Variants in SEC16B observed in about 807,000 individuals in gnomAD.
SEC16B encodes SEC16 homolog B, endoplasmic reticulum export factor, also known as protein transport protein Sec16B.
A neutral mutation model predicts 141.8 loss-of-function variants in SEC16B; 115 were observed. The ratio of observed to expected loss-of-function variants is 0.81; its 90% CI spans 0.70 to 0.95. The LOEUF is 0.95. SEC16B is among the 40% of genes least tolerant of loss of function. SEC16B has a pLI of 0.00. For missense variants in SEC16B, 1,291 were observed against 1,312.3 expected, an observed-to-expected ratio of 0.98 and a Z score of 0.25; for synonymous variants, 493 against 492.5, an observed-to-expected ratio of 1.00 and a Z score of -0.01.
intron 1 of SEC16B, among the ~76,000 whole-genome samples, chr1:177,981,917 T>C (rs1337925729): frequency 6.6e-6 from 1 of 152,214 alleles, no homozygotes; most frequent in Non-Finnish European, 1.5e-5. Context: ...TTAGGCATTA[T>C]CAGCATACAA....
chr1:177,932,179 C>T lies in SEC16B; in HGVS notation c.3012+311G>A, dbSNP rs150613867. Among the ~76,000 whole-genome samples the T allele has an allele frequency of 4.6e-5, 7 of 152,284 alleles. No homozygotes were observed. The East Asian group carries it at 1.3e-3, about 29-fold the overall frequency. ...AGGAAGAAATCTGAACACAGACACG[C>T]TCAGAGGAAAGGCCATGTGAAGACG... On this transcript the variant is annotated intron_variant, in intron 24 of 25. Transcript: ENST00000308284.
chr1:177,937,423 G>T lies in SEC16B; in HGVS notation c.2294C>A (p.Thr765Asn), dbSNP rs777847574. 9 of 1,608,238 alleles carry T rather than the reference G, an allele frequency of 5.6e-6. No homozygotes were observed. The highest frequency in any genetic ancestry group is 5.3e-5 in the African/African-American group (4 of 74,946). ...CTGTGGGCTGGGCTGGAGCAGGCAG[G>T]TCTGCTCAGGTGTCAGCCACAGAGC... ...RSALWLTPEQ[T>N]CLLQPSPQQP... Residue 765 changes from threonine (T) to asparagine (N), a missense_variant, in exon 19 of 26, where the codon ACC (threonine) becomes AAC (asparagine). Physicochemically the swap from Thr to Asn is moderately conservative, Grantham distance 65. This residue lies in a region of SEC16B where 605 missense variants were observed against 614.1 expected (regional missense o/e 0.99). Transcript: ENST00000308284.
At chr1:177,936,613 G>C (rs542907329) in intron 19 of SEC16B, among the ~76,000 whole-genome samples, 139 of 152,246 alleles carry the variant, frequency 9.1e-4, no homozygotes, top group Non-Finnish European at 1.6e-3. Flanking sequence ...TTGGAAATCA[G>C]AGCAACATCA....
At chr1:177,931,150 A>T (rs1268790400) in intron 24 of SEC16B, among the ~76,000 whole-genome samples, 1 of 152,228 alleles carries the variant, frequency 6.6e-6, no homozygotes, top group Non-Finnish European at 1.5e-5. Flanking sequence ...CACAATTCAC[A>T]ATTGCAAAAC....
chr1:177,955,809 A>G (rs1358912140), intron 10 of SEC16B, among the ~76,000 whole-genome samples: 3 of 152,234 alleles, frequency 2.0e-5, no homozygotes, highest in African/African-American at 7.2e-5. Flanking sequence ...CTTTGACCCA[A>G]CACTTCTGCC....
At chr1:177,957,456 C>A (rs1652698098) in intron 10 of SEC16B, among the ~76,000 whole-genome samples, 1 of 151,902 alleles carries the variant, frequency 6.6e-6, no homozygotes. Context: ...AATATATATG[C>A]ATGGGAAAAT....
In SEC16B at chr1:177,965,913, T is replaced by A; in HGVS notation, c.392A>T (p.Gln131Leu). ...YGSYYYHGHP[Q>L]WLQEERVPRQ... is the part of the protein sequence containing the mutation. ...CATACCTCTTTCTTCCTGCAGCCAC[T>A]GTGGGTGTCCATGATAGTAATAACT... is the stretch of plus-strand genomic sequence containing the variant. The change falls in exon 3 of 26, where the codon CAG (glutamine) becomes CTG (leucine). Residue 131 changes from glutamine to leucine, a missense_variant. Gln to Leu is a moderately radical substitution (Grantham distance 113). Transcript: ENST00000308284. The A allele has an allele frequency of 6.3e-7, 1 of 1,592,834 alleles. No homozygotes were observed. The highest frequency in any genetic ancestry group is 8.6e-7 in the Non-Finnish European group (1 of 1,167,802).
chr1:177,946,303 C>T, intron 14 of SEC16B, 117 bp downstream of exon 14: 1 of 798,792 alleles, frequency 1.3e-6, no homozygotes, highest in Non-Finnish European at 2.2e-6. Flanking sequence ...AATAAGGGAG[C>T]CGGCGGTAGC....
chr1:177,983,230 G>A (rs927008823), intron 1 of SEC16B, among the ~76,000 whole-genome samples: 2 of 152,142 alleles, frequency 1.3e-5, no homozygotes, highest in African/African-American at 4.8e-5. Context: ...ATAAACTGAA[G>A]CCCAGAGTGC....
At chr1:177,967,210 G>A (rs915745584) in intron 2 of SEC16B, among the ~76,000 whole-genome samples, 4 of 152,082 alleles carry the variant, frequency 2.6e-5, no homozygotes, top group African/African-American at 9.7e-5. Context: ...TTCCATTCCG[G>A]GTACTGTCGT....
intron 1 of SEC16B, among the ~76,000 whole-genome samples, chr1:177,980,693 T>C (rs545800482): frequency 6.8e-6 from 1 of 146,738 alleles, no homozygotes; most frequent in African/African-American, 2.5e-5. Flanking sequence ...TGGGAGAGGA[T>C]GACAATGAGA....
In SEC16B at chr1:177,980,933, T is replaced by C. The variant is rs566362675; in HGVS notation, c.-59+3273A>G. ...AGAGGCGAAGGAAGACCTGGTACATTTGCAGCATCATAATGGGTTTTATGC... is the reference window on the plus strand; with the variant it reads ...AGAGGCGAAGGAAGACCTGGTACATCTGCAGCATCATAATGGGTTTTATGC... On this transcript the variant is annotated intron_variant and NMD_transcript_variant, in intron 1 of 24. Transcript: ENST00000528461. Among the ~76,000 whole-genome samples the C allele has an allele frequency of 2.8e-4, 42 of 152,096 alleles. 2 individuals carry two copies. In the South Asian group the frequency reaches 8.3e-3, roughly 30 times the overall value.
At position 177,958,916 on chromosome 1, in the gene SEC16B, C is replaced by A. The variant is rs925319454; in HGVS notation, c.1058G>T (p.Cys353Phe). 6.2e-7 allele frequency: 1 copy of A among 1,613,608 alleles called. No individual in the cohort carries two copies. Among genetic ancestry groups the A allele is most frequent in the African/African-American group, 1.3e-5 (1 of 74,918 alleles). The change falls in exon 9 of 26, where the codon TGC becomes TTC. Residue 353 changes from cysteine to phenylalanine, a missense_variant. Physicochemically the swap from Cys to Phe is radical, Grantham distance 205 (BLOSUM62 -2). This residue lies in a region of SEC16B where 681 missense variants were observed against 675.5 expected (regional missense o/e 1.01). Transcript: ENST00000308284. ...TFCQQKAAQS[C>F]KSETLGSRDS... ...TCTGCTCCCCAGTGTCTCAGATTTG[C>A]AGCTCTGAGCTGCTTTCTGCTGGCA...
At chr1:177,983,008 C>T (rs998416150) in intron 1 of SEC16B, among the ~76,000 whole-genome samples, 1 of 152,108 alleles carries the variant, frequency 6.6e-6, no homozygotes, top group Admixed American at 6.6e-5. Context: ...TAGGAGAATC[C>T]TTCAAGTTTC....
At position 177,933,229 on chromosome 1, in the gene SEC16B, G is replaced by A. The variant is rs776112562; in HGVS notation, c.2808C>T (p.Asp936=). 41 of 1,585,248 alleles carry A rather than the reference G, an allele frequency of 2.6e-5. No individual in the cohort carries two copies. The highest frequency in any genetic ancestry group is 3.4e-5 in the Non-Finnish European group (40 of 1,165,364). The change falls in exon 22 of 26, where the codon GAC becomes GAT. Residue 936 remains aspartate (D), a synonymous_variant. Transcript: ENST00000308284. ...CAGAGCCTACCTCAGAGTCAGGGCT[G>A]TCTGAGGAGTCCTCGTCTCCAGCGG... is the stretch of plus-strand genomic sequence containing the variant. ...ASPAGDEDSS[D]SPDSEETPRA...
chr1:177,980,734 C>T (rs1262086981), intron 1 of SEC16B, among the ~76,000 whole-genome samples: 1 of 148,046 alleles, frequency 6.8e-6, no homozygotes, highest in African/African-American at 2.5e-5. Flanking sequence ...AAGGTATCAA[C>T]CCTCACCAGA....
At chr1:177,942,817 A>G (rs1651386061) in intron 15 of SEC16B, among the ~76,000 whole-genome samples, 1 of 152,168 alleles carries the variant, frequency 6.6e-6, no homozygotes, top group African/African-American at 2.4e-5. Flanking sequence ...CCCAAGTTCA[A>G]ATAAAAGCTC....
At position 177,964,278 on chromosome 1, in the gene SEC16B, A is replaced by G. The variant is rs1429180671; in HGVS notation, c.535T>C (p.Ser179Pro). 1.2e-5 allele frequency: 19 copies of G among 1,610,136 alleles called. No individual in the cohort carries two copies. The highest frequency in any genetic ancestry group is 1.5e-5 in the Non-Finnish European group (18 of 1,177,222). ...FGTNSETHFQ[S>P]NSRNPCKDSP... ...TCTTTACAAGGGTTCCTACTGTTAG[A>G]TCTGCAGCAAAATGACAGGAGCAGT... is the stretch of plus-strand genomic sequence containing the variant. Residue 179 changes from serine to proline, a missense_variant and splice_region_variant, in exon 5 of 26, where the codon TCT (serine) becomes CCT (proline). Ser to Pro is a moderately conservative substitution (Grantham distance 74). Coordinates refer to ENST00000308284, the MANE Select transcript of SEC16B (RefSeq NM_033127.4).
At chr1:177,971,047 C>T (rs755495621), upstream of SEC16B, among the ~76,000 whole-genome samples, 6 of 151,688 alleles carry the variant, frequency 4.0e-5, no homozygotes, top group Non-Finnish European at 7.4e-5. Flanking sequence ...AACCCAGCAA[C>T]TGAGCATAGA....
Sources: gnomAD v4.1 joint callset for allele counts (sites outside exome capture counted in the v4.1 genomes callset) on GRCh38, gnomAD v4.1.1 for gene constraint, gnomAD v4.1.1 regional missense constraint, MANE v1.5 for transcripts, NCBI Gene and HGNC (gene_info 2026-07-23, HGNC 2026-07-21) for gene names.